Variants in CHODL observed in about 807,000 individuals in gnomAD.
CHODL encodes chondrolectin.
Under a neutral mutation model 34.5 loss-of-function variants are expected in CHODL, and 29 were observed. That is an observed-to-expected ratio of 0.84 (90% CI 0.63 to 1.15). The LOEUF (loss-of-function observed/expected upper bound fraction) is 1.15. Ranked by LOEUF, CHODL falls within the 50% of genes most tolerant of loss-of-function variation. CHODL has a pLI of 0.00. For missense variants in CHODL, 332 were observed against 332.5 expected (o/e 1.00, Z 0.01); for synonymous variants, 125 against 116.1 (o/e 1.08, Z -0.49).
chr21:18,157,752 A>T (rs1367485184), intron 2 of CHODL, among the ~76,000 whole-genome samples: 1 of 152,248 alleles, frequency 6.6e-6, no homozygotes, highest in Admixed American at 6.5e-5. Context: ...GGTTTATAGT[A>T]ACACTATTTT....
At chr21:18,108,822 CTCT>C (rs1293825280) in intron 2 of CHODL, among the ~76,000 whole-genome samples, 1 of 147,794 alleles carries the variant, frequency 6.8e-6, no homozygotes, top group African/African-American at 2.6e-5. Context: ...TTCTCAGATT[CTCT>C]TCTTTGCAAT....
chr21:18,260,322 C>A, intron 4 of CHODL, 36 bp downstream of exon 4: 1 of 1,295,936 alleles, frequency 7.7e-7, no homozygotes, highest in Non-Finnish European at 1.1e-6. Context: ...TCATCAAGAA[C>A]TGAACTGTAC....
intron 1 of CHODL, among the ~76,000 whole-genome samples, chr21:18,021,404 C>G (rs2064126491): frequency 6.6e-6 from 1 of 152,198 alleles, no homozygotes; most frequent in South Asian, 2.1e-4. Context: ...TATGTATTTT[C>G]TGATTCCAAC....
chr21:17,976,732 T>A lies in CHODL; in HGVS notation c.-144-51140T>A, dbSNP rs28607674. On this transcript the variant is annotated intron_variant, in intron 1 of 6. Transcript: ENST00000400127. ...TTTTTGCTTTTTATATTTTGTTTTT[T>A]AAATATATTCTTTGTTTCTAATTTA... Among the ~76,000 whole-genome samples the A allele has an allele frequency of 2.3e-4, 35 of 152,354 alleles. No individual in the cohort carries two copies. The East Asian group carries it at 2.5e-3, about 11-fold the overall frequency.
intron 2 of CHODL, among the ~76,000 whole-genome samples, chr21:18,076,188 G>C (rs188809278): frequency 6.6e-6 from 1 of 152,308 alleles, no homozygotes; most frequent in East Asian, 1.9e-4. Context: ...TAGGATAATG[G>C]ATAGAGATTG....
chr21:18,254,588 A>G (rs1203651052), intron 1 of CHODL, among the ~76,000 whole-genome samples: 2 of 152,156 alleles, frequency 1.3e-5, no homozygotes, highest in Admixed American at 6.6e-5. Context: ...ATCTTGCCAT[A>G]CATTCTTAGT....
intron 2 of CHODL, among the ~76,000 whole-genome samples, chr21:18,162,989 C>A (rs1487219047): frequency 6.6e-6 from 1 of 152,108 alleles, no homozygotes; most frequent in Non-Finnish European, 1.5e-5. Flanking sequence ...AATGTTTATG[C>A]CATATATATC....
rs184419084 is a variant in CHODL, at chr21:18,004,057, C to A, written c.-144-23815C>A. Among the ~76,000 whole-genome samples the A allele has an allele frequency of 2.1e-4, 32 of 152,212 alleles. 1 individual carries two copies. Among genetic ancestry groups the A allele is most frequent in the African/African-American group, 7.7e-4 (32 of 41,536 alleles). On this transcript the variant is annotated intron_variant, in intron 1 of 6. Transcript: ENST00000400127. ...AGACATGGAAGGTCATGTGCTCAGG[C>A]CTATTTTGTCTTCAAAGTGTTTGCC...
intron 2 of CHODL, among the ~76,000 whole-genome samples, chr21:18,044,958 T>C (rs369471556): frequency 6.6e-6 from 1 of 152,070 alleles, no homozygotes; most frequent in South Asian, 2.1e-4. Context: ...TCTATGTCGT[T>C]ATGCAGATGC....
chr21:18,098,391 G>A (rs2065167133), intron 2 of CHODL, among the ~76,000 whole-genome samples: 1 of 151,856 alleles, frequency 6.6e-6, no homozygotes, highest in Admixed American at 6.6e-5. Context: ...AATTAAAAAT[G>A]GGCAAAAGAG....
intron 2 of CHODL, among the ~76,000 whole-genome samples, chr21:18,174,213 C>T (rs1364199794): frequency 1.5e-5 from 2 of 129,390 alleles, no homozygotes; most frequent in Non-Finnish European, 3.4e-5. Flanking sequence ...TTTACATTAT[C>T]AAAGGAAATC....
At chr21:18,209,880 T>C (rs1380079989) in intron 2 of CHODL, among the ~76,000 whole-genome samples, 2 of 152,186 alleles carry the variant, frequency 1.3e-5, no homozygotes, top group Non-Finnish European at 2.9e-5. Context: ...TATTCTACTG[T>C]GGCTGAGATA....
At chr21:18,095,803 T>C (rs1195801896) in intron 2 of CHODL, among the ~76,000 whole-genome samples, 2 of 152,174 alleles carry the variant, frequency 1.3e-5, no homozygotes, top group African/African-American at 4.8e-5. Flanking sequence ...AGATTATTTA[T>C]CATGACCCAG....
At chr21:18,094,536 C>A (rs1466251565) in intron 2 of CHODL, among the ~76,000 whole-genome samples, 1 of 151,944 alleles carries the variant, frequency 6.6e-6, no homozygotes, top group Admixed American at 6.6e-5. Flanking sequence ...TAAAACTAGA[C>A]ACCAATAAAG....
At chr21:17,996,103 T>C (rs949925304) in intron 1 of CHODL, among the ~76,000 whole-genome samples, 29 of 152,184 alleles carry the variant, frequency 1.9e-4, no homozygotes, top group Admixed American at 6.5e-5. Flanking sequence ...AGGCTCATTT[T>C]ACCTATGGTC....
intron 1 of CHODL, among the ~76,000 whole-genome samples, chr21:17,994,291 G>A (rs1378707419): frequency 2.0e-5 from 3 of 152,228 alleles, no homozygotes; most frequent in Non-Finnish European, 4.4e-5. Context: ...GGTGGTGACA[G>A]CGATGGGCTG....
chr21:18,239,426 TC>T (rs1426872972), intron 2 of CHODL, among the ~76,000 whole-genome samples: 5 of 152,250 alleles, frequency 3.3e-5, no homozygotes, highest in Non-Finnish European at 7.4e-5. Context: ...TTGATTTTTT[TC>T]TTAATACCTT....
chr21:18,071,643 A>G (rs1465213521), intron 2 of CHODL, among the ~76,000 whole-genome samples: 1 of 152,192 alleles, frequency 6.6e-6, no homozygotes, highest in Non-Finnish European at 1.5e-5. Context: ...AATAGTACTT[A>G]GAATTTCCCC....
At chr21:17,966,365 C>A in intron 1 of CHODL, among the ~76,000 whole-genome samples, 1 of 152,096 alleles carries the variant, frequency 6.6e-6, no homozygotes, top group Admixed American at 6.5e-5. Context: ...GTAGGTATTA[C>A]TAAGAAAACA....
Sources: allele counts gnomAD v4.1 joint callset (sites outside exome capture counted in the v4.1 genomes callset), GRCh38; gene constraint gnomAD v4.1.1; transcripts MANE v1.5; gene names NCBI Gene and HGNC (gene_info 2026-07-23, HGNC 2026-07-21).